Variants in GAS7 observed in about 807,000 individuals in gnomAD.
GAS7 encodes the protein growth arrest specific 7, also known as growth arrest-specific protein 7.
A neutral mutation model predicts 71.1 loss-of-function variants in GAS7; 28 were observed. The observed-to-expected ratio is 0.39, with a 90% CI of 0.29 to 0.54. The LOEUF is 0.54. GAS7 is among the 20% of genes least tolerant of loss of function. The pLI is 0.62. For synonymous variants in GAS7, 258 were observed against 245.8 expected, an observed-to-expected ratio of 1.05 and a Z score of -0.46; for missense variants, 436 against 627.8, an observed-to-expected ratio of 0.69 and a Z score of 3.27.
chr17:9,926,840 T>G lies in GAS7; in HGVS notation c.886-71A>C, dbSNP rs1452453222. 1.3e-6 allele frequency: 2 copies of G among 1,542,080 alleles called. No individual in the cohort carries two copies. Among genetic ancestry groups the G allele is most frequent in the Admixed American group, 1.7e-5 (1 of 59,740 alleles). On this transcript the variant is annotated intron_variant, in intron 9 of 13. Transcript: ENST00000432992. This position sits in a 1 kb window ranked among gnomAD's most constrained non-coding sequence, Gnocchi z 5.0. ...TGTAAGCCAGTGCAGGGAGGAGGGA[T>G]GGGAGGGGCACCCCCACTTCCCCAG...
chr17:10,015,789 C>T (rs1597693120), intron 2 of GAS7, among the ~76,000 whole-genome samples: 1 of 152,110 alleles, frequency 6.6e-6, no homozygotes. Flanking sequence ...AAGACACTCC[C>T]CATCCCCTAG....
In GAS7 at chr17:9,969,115, A is replaced by G. The variant is rs1001584445; in HGVS notation, c.471+562T>C. ...AACCAGTTGGAGCCTCGGTGACCTC[A>G]TGCATACCTTGAGTTGTTACTGACG... On this transcript the variant is annotated intron_variant, in intron 4 of 13. Transcript: ENST00000432992. This position sits in a 1 kb window ranked among gnomAD's most constrained non-coding sequence, Gnocchi z 5.5. Among the ~76,000 whole-genome samples, 5 of 152,206 alleles carry G rather than the reference A, an allele frequency of 3.3e-5. No individual in the cohort carries two copies. Among genetic ancestry groups the G allele is most frequent in the Non-Finnish European group, 7.3e-5 (5 of 68,034 alleles).
chr17:10,194,858 CAAAAAAAAAA>C (rs5819269), intron 1 of GAS7, among the ~76,000 whole-genome samples: 1,505 of 85,172 alleles, frequency 0.018, 23 homozygotes, highest in African/African-American at 0.048. Context: ...GACTCTGTCT[CAAAAAAAAAA>C]AAAAAAAAAA....
chr17:9,920,182 A>T (rs1278980248), intron 11 of GAS7, among the ~76,000 whole-genome samples: 2 of 141,018 alleles, frequency 1.4e-5, no homozygotes, highest in African/African-American at 5.0e-5. Flanking sequence ...AGATCATGTA[A>T]GTGTGTGTGT....
intron 9 of GAS7, among the ~76,000 whole-genome samples, chr17:9,933,193 C>A (rs1459711778): frequency 6.6e-6 from 1 of 152,064 alleles, no homozygotes; most frequent in Non-Finnish European, 1.5e-5. Context: ...ATCAATAAAT[C>A]AATCAATAAA....
rs993247688 is a variant in GAS7, at chr17:9,974,827, G to A, written c.386-5065C>T. On this transcript the variant is annotated intron_variant, in intron 3 of 13. Transcript: ENST00000432992. The surrounding 1 kb of genome is among the most constrained non-coding windows in gnomAD (Gnocchi z 4.0). ...GCCAAGCAACAAAGAAGCGCCAGCA[G>A]CTCCGCCACCCAGGGCTCACCCCCA... Among the ~76,000 whole-genome samples the A allele has an allele frequency of 6.6e-6, 1 of 152,120 alleles. No homozygotes were observed. The highest frequency in any genetic ancestry group is 2.4e-5 in the African/African-American group (1 of 41,434).
intron 1 of GAS7, among the ~76,000 whole-genome samples, chr17:10,179,860 A>G (rs1472676105): frequency 6.6e-6 from 1 of 152,202 alleles, no homozygotes; most frequent in Non-Finnish European, 1.5e-5. Flanking sequence ...TCTTTTATTA[A>G]TAAAGAAGGC....
Position 9,917,300 on chromosome 17 carries a change from C to G in GAS7, c.1359G>C (p.Pro453=), listed in dbSNP as rs763841193. 1.9e-6 allele frequency: 3 copies of G among 1,613,988 alleles called. No homozygotes were observed. The change falls in exon 14 of 14, where the codon CCG becomes CCC. Residue 453 remains proline (P), a synonymous_variant. Coordinates refer to ENST00000432992, the MANE Select transcript of GAS7 (RefSeq NM_201433.2). ...PVDQLLRKVD[P]AKDRELWVRE... ...TGACCCACAGCTCCCTGTCTTTGGC[C>G]GGGTCCACTTTTCGAAGCAGCTGAT...
chr17:9,971,437 T>C (rs2069957969), intron 3 of GAS7, among the ~76,000 whole-genome samples: 1 of 151,888 alleles, frequency 6.6e-6, no homozygotes, highest in African/African-American at 2.4e-5. Context: ...TGGTGGCTCA[T>C]GTCTGTAGTT....
chr17:9,975,220 T>C (rs1280891076), intron 3 of GAS7, among the ~76,000 whole-genome samples: 4 of 152,146 alleles, frequency 2.6e-5, no homozygotes, highest in African/African-American at 9.7e-5. Flanking sequence ...CCAGGGATGG[T>C]GGCGCACGCC....
chr17:10,162,256 T>G (rs1366877325), intron 1 of GAS7, among the ~76,000 whole-genome samples: 1 of 152,000 alleles, frequency 6.6e-6, no homozygotes, highest in African/African-American at 2.4e-5. Context: ...CTGCCCAGTG[T>G]AAGAATCACA....
intron 1 of GAS7, among the ~76,000 whole-genome samples, chr17:10,123,888 C>T (rs1597805445): frequency 6.6e-6 from 1 of 152,182 alleles, no homozygotes; most frequent in African/African-American, 2.4e-5. Flanking sequence ...GGAGGGGGGC[C>T]CCGGACAGAC....
chr17:10,161,604 A>G (rs1175517531), intron 1 of GAS7, among the ~76,000 whole-genome samples: 2 of 152,188 alleles, frequency 1.3e-5, no homozygotes, highest in African/African-American at 2.4e-5. Context: ...ATTCCCACAC[A>G]TTTCAGCTGA....
chr17:10,145,193 CA>C lies in GAS7; in HGVS notation c.183+53014del, dbSNP rs547854128. Among the ~76,000 whole-genome samples, 5 of 152,364 alleles carry C rather than the reference CA, an allele frequency of 3.3e-5. No homozygotes were observed. In the East Asian group the frequency reaches 9.6e-4, roughly 29 times the overall value. On this transcript the variant is annotated intron_variant, in intron 1 of 13. Transcript: ENST00000432992. ...GGTGTCTGGGGCTGACAGCCAGCAG[CA>C]CCGGGGCAGGTACTGCTAAGGAAAA...
At chr17:10,132,262 G>A (rs903577301) in intron 1 of GAS7, among the ~76,000 whole-genome samples, 9 of 152,046 alleles carry the variant, frequency 5.9e-5, no homozygotes, top group Non-Finnish European at 1.2e-4. Flanking sequence ...TTCTTATTCA[G>A]ATTTACCTGA....
chr17:10,107,391 TTACA>T (rs1333935078), intron 1 of GAS7, among the ~76,000 whole-genome samples: 1 of 73,036 alleles, frequency 1.4e-5, no homozygotes, highest in African/African-American at 6.2e-5. Context: ...AGCTGGAAAC[TTACA>T]TACAGAGTGG....
In GAS7 at chr17:10,102,624, A is replaced by G. The variant is rs181567412; in HGVS notation, c.184-82727T>C. Reference sequence around the variant, plus strand: ...GTCATCCCCTGACCTGGTATTTTAAATCCAGACTTCTCAAGCCTGGATGAG... The same window carrying G: ...GTCATCCCCTGACCTGGTATTTTAAGTCCAGACTTCTCAAGCCTGGATGAG... On this transcript the variant is annotated intron_variant, in intron 1 of 13. Transcript: ENST00000432992. 1.5e-4 allele frequency among the ~76,000 whole-genome samples: 23 copies of G among 152,232 alleles called. No homozygotes were observed. The East Asian group carries it at 4.4e-3, about 29-fold the overall frequency.
intron 1 of GAS7, among the ~76,000 whole-genome samples, chr17:10,186,200 G>A (rs946048483): frequency 7.9e-5 from 12 of 151,398 alleles, no homozygotes; most frequent in East Asian, 1.9e-4. Context: ...CTTGTGATCC[G>A]CCTGCCTCGG....
chr17:10,113,079 G>A (rs1375233410), intron 1 of GAS7, among the ~76,000 whole-genome samples: 1 of 152,112 alleles, frequency 6.6e-6, no homozygotes, highest in Non-Finnish European at 1.5e-5. Context: ...TCCACTCACT[G>A]CCTGCATGGG....
Sources: gnomAD v4.1 joint callset for allele counts (sites outside exome capture counted in the v4.1 genomes callset) on GRCh38, gnomAD v4.1.1 for gene constraint, Gnocchi (gnomAD v3.1) non-coding constraint, MANE v1.5 for transcripts, NCBI Gene and HGNC (gene_info 2026-07-23, HGNC 2026-07-21) for gene names.